The following FSTL5 variants were observed in gnomAD, a reference collection of about 807,000 sequenced individuals.
FSTL5 encodes the protein follistatin like 5.
Under a neutral mutation model 89.1 loss-of-function variants are expected in FSTL5, and 62 were observed. The ratio of observed to expected loss-of-function variants is 0.70; its 90% confidence interval spans 0.57 to 0.86. FSTL5 has a LOEUF of 0.86. Among genes scored for constraint, FSTL5 ranks in the 40% least tolerant of loss-of-function variants. The pLI is 0.00. For missense variants in FSTL5, 1,057 were observed against 1,001.6 expected (o/e 1.06, Z -0.75); for synonymous variants, 383 against 346.2 (o/e 1.11, Z -1.18).
chr4:161,688,669 G>C (rs552410240), intron 6 of FSTL5, among the ~76,000 whole-genome samples: 1 of 152,060 alleles, frequency 6.6e-6, no homozygotes, highest in African/African-American at 2.4e-5. Context: ...CAATTCCACA[G>C]AATTTTACAT....
At chr4:161,963,673 A>T (rs530112289) in intron 3 of FSTL5, among the ~76,000 whole-genome samples, 2 of 152,088 alleles carry the variant, frequency 1.3e-5, no homozygotes, top group South Asian at 4.1e-4. Flanking sequence ...GTTATAAAAG[A>T]TTTCTCTTTT....
At chr4:162,092,003 T>C (rs1396702319) in intron 2 of FSTL5, among the ~76,000 whole-genome samples, 3 of 151,638 alleles carry the variant, frequency 2.0e-5, no homozygotes, top group Non-Finnish European at 2.9e-5. Flanking sequence ...TAGAATTCTA[T>C]ATTACATATA....
At chr4:161,728,581 T>A (rs1189797094) in intron 6 of FSTL5, among the ~76,000 whole-genome samples, 1 of 152,056 alleles carries the variant, frequency 6.6e-6, no homozygotes, top group African/African-American at 2.4e-5. Context: ...TCTAATCATA[T>A]ATATACACAT....
chr4:161,807,914 T>C (rs910139498), intron 4 of FSTL5, among the ~76,000 whole-genome samples: 1 of 152,024 alleles, frequency 6.6e-6, no homozygotes, highest in Non-Finnish European at 1.5e-5. Context: ...CTGGGAATGA[T>C]AGGTAGTTAA....
intron 5 of FSTL5, among the ~76,000 whole-genome samples, chr4:161,766,392 T>C (rs1740999386): frequency 6.6e-6 from 1 of 152,150 alleles, no homozygotes; most frequent in Admixed American, 6.5e-5. Flanking sequence ...GAACCAAATA[T>C]GCAGGACCAC....
intron 4 of FSTL5, among the ~76,000 whole-genome samples, chr4:161,899,811 C>T (rs2110787316): frequency 6.6e-6 from 1 of 152,282 alleles, no homozygotes; most frequent in South Asian, 2.1e-4. Context: ...CTACACCTAA[C>T]AGATTGTATT....
chr4:161,561,974 A>G (rs535995636), intron 8 of FSTL5, among the ~76,000 whole-genome samples: 8 of 152,082 alleles, frequency 5.3e-5, no homozygotes, highest in East Asian at 2.0e-4. Flanking sequence ...AGCTTTGCCA[A>G]TTCCTGGGCA....
At chr4:162,046,872 T>C (rs1738201947) in intron 2 of FSTL5, among the ~76,000 whole-genome samples, 2 of 152,166 alleles carry the variant, frequency 1.3e-5, no homozygotes, top group African/African-American at 4.8e-5. Context: ...TTCTAATTTA[T>C]TAAGTCTGCA....
At chr4:161,859,627 T>C (rs1731835973) in intron 4 of FSTL5, among the ~76,000 whole-genome samples, 1 of 152,206 alleles carries the variant, frequency 6.6e-6, no homozygotes, top group Non-Finnish European at 1.5e-5. Flanking sequence ...ATGTAAAACG[T>C]AGAGTATTAA....
chr4:161,901,588 T>C (rs575402568), intron 4 of FSTL5, among the ~76,000 whole-genome samples: 166 of 152,272 alleles, frequency 1.1e-3, no homozygotes, highest in Admixed American at 3.1e-3. Flanking sequence ...CTTTTATAAA[T>C]GGTATTCAAA....
At chr4:161,538,966 T>C (rs1375537195) in intron 9 of FSTL5, among the ~76,000 whole-genome samples, 3 of 152,022 alleles carry the variant, frequency 2.0e-5, no homozygotes, top group Non-Finnish European at 2.9e-5. Context: ...GGTTTCACCA[T>C]GTTTGCCAGG....
chr4:161,550,557 TTTTATTTATTTATTTATTTA>T (rs35953683), intron 8 of FSTL5, among the ~76,000 whole-genome samples: 7 of 142,244 alleles, frequency 4.9e-5, no homozygotes, highest in Non-Finnish European at 1.1e-4. Context: ...GTAACTTCTT[TTTTATTTATTTATTTATTTA>T]TTTATTTATT....
intron 10 of FSTL5, among the ~76,000 whole-genome samples, chr4:161,517,051 G>A (rs1730868564): frequency 6.6e-6 from 1 of 151,988 alleles, no homozygotes; most frequent in Non-Finnish European, 1.5e-5. Flanking sequence ...ACCATACCTG[G>A]CTAATTTTTA....
intron 1 of FSTL5, among the ~76,000 whole-genome samples, chr4:162,162,742 A>C (rs1041481557): frequency 6.6e-6 from 1 of 152,256 alleles, no homozygotes; most frequent in Admixed American, 6.5e-5. Context: ...CTAAGTAAAG[A>C]AAAGCTCTCT....
chr4:161,396,072 A>G (rs1034912642), intron 15 of FSTL5, among the ~76,000 whole-genome samples: 4 of 151,874 alleles, frequency 2.6e-5, no homozygotes, highest in African/African-American at 7.3e-5. Flanking sequence ...CTTCCCTCTT[A>G]GAGTACTGCA....
At chr4:161,657,925 C>T (rs10002616) in intron 6 of FSTL5, among the ~76,000 whole-genome samples, 2,528 of 152,168 alleles carry the variant, frequency 0.017, 74 homozygotes, top group African/African-American at 0.057. Flanking sequence ...CCTAAAGTCA[C>T]GCTTATTTAA....
chr4:161,426,158 T>C (rs1399547479), intron 15 of FSTL5, among the ~76,000 whole-genome samples: 1 of 152,156 alleles, frequency 6.6e-6, no homozygotes, highest in East Asian at 1.9e-4. Context: ...TATATAATGA[T>C]TAAATTTTTG....
intron 10 of FSTL5, among the ~76,000 whole-genome samples, chr4:161,529,630 T>C (rs945781018): frequency 7.0e-6 from 1 of 142,056 alleles, no homozygotes; most frequent in Non-Finnish European, 1.5e-5. Context: ...ATATTCTCTA[T>C]AGAATTATAT....
intron 6 of FSTL5, among the ~76,000 whole-genome samples, chr4:161,666,186 C>T (rs1311160260): frequency 6.6e-6 from 1 of 151,980 alleles, no homozygotes; most frequent in African/African-American, 2.4e-5. Context: ...ATAAATTATT[C>T]TACACATCAC....
Sources: gnomAD v4.1 joint callset for allele counts (sites outside exome capture counted in the v4.1 genomes callset) on GRCh38, gnomAD v4.1.1 for gene constraint, MANE v1.5 for transcripts, NCBI Gene and HGNC (gene_info 2026-07-23, HGNC 2026-07-21) for gene names.